The following ENTREP2 variants were observed in gnomAD, a reference collection of about 807,000 sequenced individuals.
ENTREP2 encodes protein ENTREP2.
the ENTREP2 span, among the ~76,000 whole-genome samples, chr15:29,627,995 T>C: frequency 6.6e-6 from 1 of 152,222 alleles, no homozygotes; most frequent in African/African-American, 2.4e-5. Flanking sequence ...TGTAAGTATA[T>C]ACCCAGAAGT....
At chr15:29,446,850 G>A in the ENTREP2 span, among the ~76,000 whole-genome samples, 65 of 152,288 alleles carry the variant, frequency 4.3e-4, no homozygotes, top group South Asian at 0.013. Context: ...TCCAGAGCCA[G>A]GAGCATGGTA....
At chr15:29,642,527 CAT>C in the ENTREP2 span, among the ~76,000 whole-genome samples, 4 of 147,420 alleles carry the variant, frequency 2.7e-5, no homozygotes, top group African/African-American at 9.9e-5. Context: ...CATATATACA[CAT>C]ATATATCATA....
the ENTREP2 span, among the ~76,000 whole-genome samples, chr15:29,140,076 C>T: frequency 1.1e-4 from 16 of 152,204 alleles, no homozygotes; most frequent in African/African-American, 3.9e-4. Context: ...TTCTGTTCCC[C>T]GGCTTTGCGG....
chr15:29,359,858 C>A, the ENTREP2 span, among the ~76,000 whole-genome samples: 1 of 152,172 alleles, frequency 6.6e-6, no homozygotes, highest in Admixed American at 6.5e-5. Context: ...TGATTAAATA[C>A]ACATGAAAAT....
the ENTREP2 span, among the ~76,000 whole-genome samples, chr15:29,347,719 T>C: frequency 1.3e-5 from 2 of 152,194 alleles, no homozygotes; most frequent in Non-Finnish European, 2.9e-5. Context: ...AAGGGGCAAC[T>C]GGAACAAAGC....
chr15:29,383,182 G>A, the ENTREP2 span, among the ~76,000 whole-genome samples: 1 of 152,184 alleles, frequency 6.6e-6, no homozygotes, highest in African/African-American at 2.4e-5. Flanking sequence ...TATCTGCACA[G>A]GTGATTCTCA....
the ENTREP2 span, among the ~76,000 whole-genome samples, chr15:29,562,717 C>T: frequency 1.3e-5 from 2 of 152,024 alleles, no homozygotes; most frequent in Admixed American, 6.6e-5. Flanking sequence ...ACTTTTTACC[C>T]GATGCCCAAG....
At chr15:29,603,488 G>A in the ENTREP2 span, among the ~76,000 whole-genome samples, 3 of 152,248 alleles carry the variant, frequency 2.0e-5, no homozygotes, top group East Asian at 5.8e-4. Context: ...CTGCAAAGAT[G>A]ACTCCTGAGC....
At chr15:29,143,015 T>C in the ENTREP2 span, among the ~76,000 whole-genome samples, 15 of 152,330 alleles carry the variant, frequency 9.8e-5, no homozygotes, top group South Asian at 2.7e-3. Flanking sequence ...GTTCTGACAA[T>C]AGGCAGAACG....
the ENTREP2 span, among the ~76,000 whole-genome samples, chr15:29,187,822 C>A: frequency 6.6e-6 from 1 of 152,246 alleles, no homozygotes; most frequent in Non-Finnish European, 1.5e-5. Context: ...CCAGGTCAGG[C>A]TGGTGACCAC....
chr15:29,152,764 G>A, the ENTREP2 span, among the ~76,000 whole-genome samples: 1 of 152,130 alleles, frequency 6.6e-6, no homozygotes, highest in East Asian at 1.9e-4. Flanking sequence ...ATAGGTTTTT[G>A]TGTGAACATA....
chr15:29,138,581 A>G, the ENTREP2 span, among the ~76,000 whole-genome samples: 3 of 151,606 alleles, frequency 2.0e-5, no homozygotes, highest in East Asian at 5.8e-4. Flanking sequence ...GTGCATGTGC[A>G]TGTGTCTGTG....
chr15:29,141,856 C>T, the ENTREP2 span, among the ~76,000 whole-genome samples: 588 of 152,350 alleles, frequency 3.9e-3, 3 homozygotes, highest in African/African-American at 0.014. Context: ...GCCCGCCCTG[C>T]GGCCCCCTGG....
the ENTREP2 span, among the ~76,000 whole-genome samples, chr15:29,305,667 A>G: frequency 2.6e-5 from 4 of 152,302 alleles, no homozygotes; most frequent in South Asian, 8.3e-4. Flanking sequence ...CATTACTGGG[A>G]CAGAACAGAG....
the ENTREP2 span, among the ~76,000 whole-genome samples, chr15:29,345,284 T>C: frequency 7.2e-5 from 11 of 152,260 alleles, 1 homozygote; most frequent in South Asian, 2.3e-3. Flanking sequence ...TTGAATGAAG[T>C]TCCTCGTGAC....
At chr15:29,462,710 G>T in the ENTREP2 span, among the ~76,000 whole-genome samples, 66 of 152,224 alleles carry the variant, frequency 4.3e-4, no homozygotes, top group Admixed American at 2.3e-3. Context: ...ATCACTAGGA[G>T]TCCCATCACA....
At chr15:29,234,519 G>C in the ENTREP2 span, 1 of 1,392,176 alleles carries the variant, frequency 7.2e-7, no homozygotes, top group Non-Finnish European at 1.0e-6. Context: ...CCAACGGCAA[G>C]GTAATATGGT....
the ENTREP2 span, among the ~76,000 whole-genome samples, chr15:29,341,680 G>C: frequency 6.6e-6 from 1 of 152,172 alleles, no homozygotes; most frequent in Admixed American, 6.5e-5. Context: ...AAGCGCCGTG[G>C]AAGGGAATAG....
At chr15:29,206,694 G>C in the ENTREP2 span, among the ~76,000 whole-genome samples, 3 of 152,080 alleles carry the variant, frequency 2.0e-5, no homozygotes, top group African/African-American at 7.2e-5. Context: ...TTTTTGAGGT[G>C]ATGAAAATGC....
Sources: gnomAD v4.1 joint callset for allele counts (sites outside exome capture counted in the v4.1 genomes callset) on GRCh38, gnomAD v4.1.1 for gene constraint, MANE v1.5 for transcripts, NCBI Gene and HGNC (gene_info 2026-07-23, HGNC 2026-07-21) for gene names.